The following CEP85L variants were observed in gnomAD, a reference collection of about 807,000 sequenced individuals.
CEP85L encodes the protein centrosomal protein of 85 kDa-like.
Under a neutral mutation model 100.3 loss-of-function variants are expected in CEP85L, and 60 were observed. That is an observed-to-expected ratio of 0.60 (90% CI 0.49 to 0.74). The LOEUF (loss-of-function observed/expected upper bound fraction) is 0.74. Ranked by LOEUF, CEP85L falls within the 30% of genes least tolerant of loss-of-function variation. CEP85L has a pLI of 0.00. For missense variants in CEP85L, 973 were observed against 936.2 expected, an observed-to-expected ratio of 1.04 and a Z score of -0.51; for synonymous variants, 319 against 322.7, an observed-to-expected ratio of 0.99 and a Z score of 0.12.
At chr6:118,640,579 C>CA (rs1446044953) in intron 1 of CEP85L, among the ~76,000 whole-genome samples, 2 of 152,134 alleles carry the variant, frequency 1.3e-5, no homozygotes, top group African/African-American at 4.8e-5. Context: ...GGATGGAGTG[C>CA]AGTAGTGCAG....
In CEP85L at chr6:118,680,680, C is replaced by T. The variant is rs914558312; in HGVS notation, c.-27-27872G>A. On this transcript the variant is annotated intron_variant, in intron 1 of 13. Coordinates refer to the CEP85L transcript ENST00000368488. ...TAGCTTCAGCCCAGGAGTTGGAGAC[C>T]GGCCTGGGCAACATGGCAAAACCCT... 4.6e-5 allele frequency among the ~76,000 whole-genome samples: 7 copies of T among 151,498 alleles called. No individual in the cohort carries two copies. In the East Asian group the frequency reaches 7.7e-4, roughly 17 times the overall value.
At chr6:118,487,570 T>C (rs1774272568) in intron 6 of CEP85L, among the ~76,000 whole-genome samples, 1 of 152,208 alleles carries the variant, frequency 6.6e-6, no homozygotes, top group Non-Finnish European at 1.5e-5. Flanking sequence ...TAAGGAAATG[T>C]AGGACACCTG....
chr6:118,684,510 A>G (rs189926012), intron 1 of CEP85L, among the ~76,000 whole-genome samples: 70 of 152,280 alleles, frequency 4.6e-4, no homozygotes, highest in African/African-American at 1.7e-3. Context: ...ACCTGTTTCT[A>G]AAAAAGAAAG....
At chr6:118,501,837 C>T (rs190971844) in intron 5 of CEP85L, 2 of 1,293,110 alleles carry the variant, frequency 1.5e-6, no homozygotes, top group Non-Finnish European at 2.2e-6. Context: ...AGAGAGGACT[C>T]TGGAGATGCC....
At chr6:118,671,625 C>T (rs769727066) in intron 1 of CEP85L, among the ~76,000 whole-genome samples, 8 of 152,068 alleles carry the variant, frequency 5.3e-5, no homozygotes, top group South Asian at 2.1e-4. Flanking sequence ...GGTACCATTT[C>T]GAATTCATCA....
chr6:118,705,009 C>T (rs1335654438), intron 1 of CEP85L, among the ~76,000 whole-genome samples: 1 of 152,122 alleles, frequency 6.6e-6, no homozygotes, highest in East Asian at 1.9e-4. Flanking sequence ...CCCTCTCTCC[C>T]AACCACATCT....
intron 4 of CEP85L, among the ~76,000 whole-genome samples, chr6:118,519,668 T>A (rs1776546199): frequency 6.6e-6 from 1 of 151,178 alleles, no homozygotes; most frequent in Non-Finnish European, 1.5e-5. Context: ...AATAGCCCTA[T>A]GTATATTACA....
chr6:118,581,520 G>A (rs1396755113), intron 2 of CEP85L, among the ~76,000 whole-genome samples: 1 of 151,830 alleles, frequency 6.6e-6, no homozygotes, highest in Non-Finnish European at 1.5e-5. Flanking sequence ...AGTGTGACTA[G>A]GCCTCAAAAG....
At chr6:118,504,166 T>G (rs1775494208) in intron 5 of CEP85L, among the ~76,000 whole-genome samples, 2 of 152,064 alleles carry the variant, frequency 1.3e-5, no homozygotes, top group South Asian at 4.1e-4. Flanking sequence ...TTGAGGCCAG[T>G]AGTTCGAGAT....
chr6:118,619,627 C>G (rs1051960565), intron 2 of CEP85L, among the ~76,000 whole-genome samples: 2 of 152,176 alleles, frequency 1.3e-5, no homozygotes, highest in African/African-American at 4.8e-5. Context: ...AAGTCCCTTA[C>G]AAGCAGTAGG....
At chr6:118,515,571 A>T (rs934275762) in intron 4 of CEP85L, among the ~76,000 whole-genome samples, 3 of 152,244 alleles carry the variant, frequency 2.0e-5, no homozygotes, top group African/African-American at 7.2e-5. Flanking sequence ...AAATTAAATC[A>T]GAAAACAATT....
At chr6:118,653,932 C>CA (rs1554239856), upstream of CEP85L, among the ~76,000 whole-genome samples, 1 of 151,626 alleles carries the variant, frequency 6.6e-6, no homozygotes, top group African/African-American at 2.4e-5. Flanking sequence ...TGTCTCATTT[C>CA]AAAAAAAGAC....
At chr6:118,491,222 CACACACACACACACACAT>C (rs1264347975) in intron 6 of CEP85L, among the ~76,000 whole-genome samples, 87 of 150,170 alleles carry the variant, frequency 5.8e-4, no homozygotes, top group African/African-American at 2.0e-3. Context: ...CACACACACA[CACACACACACACACACAT>C]ATGCATGCAT....
chr6:118,564,826 A>G (rs900434596), intron 3 of CEP85L, among the ~76,000 whole-genome samples: 1 of 152,186 alleles, frequency 6.6e-6, no homozygotes, highest in Non-Finnish European at 1.5e-5. Context: ...TTGTTAAAAC[A>G]AGCTACAGAA....
At chr6:118,608,270 C>T (rs1223719520) in intron 2 of CEP85L, among the ~76,000 whole-genome samples, 3 of 152,064 alleles carry the variant, frequency 2.0e-5, no homozygotes, top group African/African-American at 4.8e-5. Context: ...CCGAGGCAGG[C>T]GGATCACGAG....
At chr6:118,539,400 G>A (rs372754305) in intron 3 of CEP85L, among the ~76,000 whole-genome samples, 1 of 152,024 alleles carries the variant, frequency 6.6e-6, no homozygotes, top group African/African-American at 2.4e-5. Flanking sequence ...GTTGTTAGTC[G>A]GCTATACCAT....
At chr6:118,491,268 G>A (rs1223643968) in intron 6 of CEP85L, among the ~76,000 whole-genome samples, 1 of 151,008 alleles carries the variant, frequency 6.6e-6, no homozygotes, top group East Asian at 1.9e-4. Context: ...GTTCCTGTCT[G>A]TGTATTTGGT....
intron 2 of CEP85L, among the ~76,000 whole-genome samples, chr6:118,618,300 T>C (rs1041832131): frequency 3.3e-5 from 5 of 152,188 alleles, no homozygotes; most frequent in Non-Finnish European, 5.9e-5. Flanking sequence ...AGAATCCCTA[T>C]TTAGGAGACT....
At chr6:118,475,282 T>C (rs1773270728) in intron 10 of CEP85L, among the ~76,000 whole-genome samples, 1 of 152,018 alleles carries the variant, frequency 6.6e-6, no homozygotes, top group Non-Finnish European at 1.5e-5. Context: ...GTTCCACTTA[T>C]CTGTGAATAT....
Sources: gnomAD v4.1 joint callset for allele counts (sites outside exome capture counted in the v4.1 genomes callset) on GRCh38, gnomAD v4.1.1 for gene constraint, MANE v1.5 for transcripts, NCBI Gene and HGNC (gene_info 2026-07-23, HGNC 2026-07-21) for gene names.